The following PIR variants were observed in gnomAD, a reference collection of about 807,000 sequenced individuals.
PIR encodes the protein pirin (iron-binding nuclear protein).
In PIR, 22 loss-of-function variants were observed where a neutral mutation model predicts 24.2. That is an observed-to-expected ratio of 0.91 (90% CI 0.65 to 1.30). The LOEUF (loss-of-function observed/expected upper bound fraction) is 1.30. PIR is among the 50% of genes most tolerant of loss of function. PIR has a pLI of 0.00. For synonymous variants in PIR, 80 were observed against 79.6 expected, an observed-to-expected ratio of 1.00 and a Z score of -0.03; for missense variants, 220 against 220.3, an observed-to-expected ratio of 1.00 and a Z score of 0.01.
At chrX:15,435,746 C>T (rs1027966045) in intron 5 of PIR, among the ~76,000 whole-genome samples, 2 of 112,202 alleles carry the variant, frequency 1.8e-5, no homozygotes, top group Non-Finnish European at 1.9e-5. Context: ...GATCCCATTG[C>T]CCCTGCATGG....
At chrX:15,410,629 A>G (rs893930361) in intron 6 of PIR, among the ~76,000 whole-genome samples, 1 of 111,557 alleles carries the variant, frequency 9.0e-6, no homozygotes, top group Non-Finnish European at 1.9e-5. Flanking sequence ...ATCTTTTTAC[A>G]TGATCTGGAA....
chrX:15,410,530 T>A (rs1256271907), intron 6 of PIR, among the ~76,000 whole-genome samples: 3 of 111,851 alleles, frequency 2.7e-5, no homozygotes, highest in African/African-American at 9.7e-5. Context: ...TAATCTCATT[T>A]CTCCTCCACC....
intron 3 of PIR, among the ~76,000 whole-genome samples, chrX:15,460,659 A>G (rs889242807): frequency 9.0e-6 from 1 of 111,698 alleles, no homozygotes. Flanking sequence ...ATTAATAGTA[A>G]GTATTATACA....
At chrX:15,481,155 A>G (rs767758307) in intron 2 of PIR, among the ~76,000 whole-genome samples, 1 of 112,294 alleles carries the variant, frequency 8.9e-6, no homozygotes, top group Non-Finnish European at 1.9e-5. Flanking sequence ...AGCTATGATG[A>G]CTTCATTTTA....
rs1460701522 is a variant in PIR at position 15,397,532 on chromosome X, C to G, written c.611-1G>C. Reference sequence around the variant, plus strand: ...ATTTTTTGTTGTGCATCATCGGGCCCTACAAAACCAATGACACACTAATTT... The same window carrying G: ...ATTTTTTGTTGTGCATCATCGGGCCGTACAAAACCAATGACACACTAATTT... On this transcript the variant is annotated splice_acceptor_variant, in intron 7 of 9. Transcript: ENST00000380420. LOFTEE classifies it high-confidence loss of function. The G allele has an allele frequency of 2.5e-6, 3 of 1,186,025 alleles. No homozygotes were observed. Among genetic ancestry groups the G allele is most frequent in the Admixed American group, 4.4e-5 (2 of 45,961 alleles).
At chrX:15,491,009 G>A (rs756525773) in intron 2 of PIR, among the ~76,000 whole-genome samples, 153 bp downstream of exon 2, 5 of 111,649 alleles carry the variant, frequency 4.5e-5, no homozygotes, top group Admixed American at 9.5e-5. Context: ...GGCTGGGGCT[G>A]GTTTGCCCCC....
At chrX:15,414,911 T>C (rs865930611) in intron 6 of PIR, among the ~76,000 whole-genome samples, 72 of 112,240 alleles carry the variant, frequency 6.4e-4, no homozygotes, top group African/African-American at 2.2e-3. Flanking sequence ...TTAGTTTACA[T>C]TGATCATCAA....
In PIR at chrX:15,407,545, T is replaced by C; in HGVS notation, c.571A>G (p.Thr191Ala). ...KHSQPIPKGWTSFIYTISGDV... is the reference protein window; with the variant it reads ...KHSQPIPKGWASFIYTISGDV... ...CCAGATATCGTGTAAATGAAGCTTGTCCACCCTGGAAAGGACCAGCAACAT... is the reference window on the plus strand; with the variant it reads ...CCAGATATCGTGTAAATGAAGCTTGCCCACCCTGGAAAGGACCAGCAACAT... The change falls in exon 7 of 10, where the codon ACA becomes GCA. Residue 191 changes from threonine to alanine, a missense_variant. Thr to Ala is a moderately conservative substitution (Grantham distance 58, BLOSUM62 0). Coordinates refer to ENST00000380420, the MANE Select transcript of PIR (RefSeq NM_001018109.3). The C allele has an allele frequency of 8.3e-7, 1 of 1,199,648 alleles. No homozygotes were observed.
chrX:15,422,688 A>T (rs1925175634), intron 6 of PIR, among the ~76,000 whole-genome samples: 4 of 112,014 alleles, frequency 3.6e-5, no homozygotes. Context: ...AAGGACACAA[A>T]AAAAATTGAA....
chrX:15,415,346 TATAATGATTGTTATTAC>T (rs2147022088), intron 6 of PIR, among the ~76,000 whole-genome samples: 1 of 111,971 alleles, frequency 8.9e-6, no homozygotes, highest in East Asian at 2.8e-4. Context: ...AAATGTTAGC[TATAATGATTGTTATTAC>T]TATATGATGA....
At chrX:15,425,443 G>A (rs1314899624) in intron 6 of PIR, among the ~76,000 whole-genome samples, 6 of 94,712 alleles carry the variant, frequency 6.3e-5, no homozygotes, top group Admixed American at 2.5e-4. Flanking sequence ...ATGGAGTCTC[G>A]CTGTGTCTCC....
intron 3 of PIR, chrX:15,464,350 T>C (rs1405408161): frequency 1.5e-6 from 1 of 681,084 alleles, no homozygotes; most frequent in Non-Finnish European, 1.7e-6. Flanking sequence ...TAATAATTAA[T>C]TGACTTTTAT....
intron 5 of PIR, among the ~76,000 whole-genome samples, chrX:15,431,336 A>AT (rs758440186): frequency 3.6e-5 from 4 of 111,634 alleles, no homozygotes; most frequent in Admixed American, 2.8e-4. Context: ...TTACATTTCT[A>AT]TTTTTTTCCT....
At chrX:15,479,535 T>C (rs1010305141) in intron 3 of PIR, among the ~76,000 whole-genome samples, 194 bp downstream of exon 3, 6 of 111,586 alleles carry the variant, frequency 5.4e-5, no homozygotes, top group Non-Finnish European at 1.1e-4. Flanking sequence ...AATAGGAATG[T>C]TTTTGGTGGC....
intron 3 of PIR, among the ~76,000 whole-genome samples, chrX:15,461,677 G>A (rs1429196865): frequency 9.0e-6 from 1 of 111,579 alleles, no homozygotes; most frequent in Non-Finnish European, 1.9e-5. Context: ...CAGCTACTGG[G>A]GAGGCTGAAG....
chrX:15,390,991 T>G (rs1158173903), intron 8 of PIR, among the ~76,000 whole-genome samples: 1 of 111,674 alleles, frequency 9.0e-6, no homozygotes, highest in Admixed American at 9.6e-5. Flanking sequence ...TGTCCTCCGA[T>G]CCAGTAATGA....
chrX:15,420,801 T>C (rs1468640061), intron 6 of PIR, among the ~76,000 whole-genome samples: 1 of 110,917 alleles, frequency 9.0e-6, no homozygotes, highest in Non-Finnish European at 1.9e-5. Context: ...TGTGCCACTT[T>C]ACTCCAGCCT....
chrX:15,395,545 AC>A (rs1924103943), intron 8 of PIR, among the ~76,000 whole-genome samples: 1 of 112,248 alleles, frequency 8.9e-6, no homozygotes, highest in African/African-American at 3.2e-5. Context: ...TCTGGAGTAG[AC>A]TTGTAATATA....
intron 1 of PIR, among the ~76,000 whole-genome samples, chrX:15,491,941 A>G (rs1923188332): frequency 9.0e-6 from 1 of 110,595 alleles, no homozygotes; most frequent in Middle Eastern, 4.2e-3. Flanking sequence ...TAAGTGAAGC[A>G]TGACTTTAGC....
Sources: allele counts gnomAD v4.1 joint callset (sites outside exome capture counted in the v4.1 genomes callset), GRCh38; gene constraint gnomAD v4.1.1; transcripts MANE v1.5; gene names NCBI Gene and HGNC (gene_info 2026-07-23, HGNC 2026-07-21).